The following CATSPERT variants were observed in gnomAD, a reference collection of about 807,000 sequenced individuals.
The protein encoded by CATSPERT is cation channel sperm-associated targeting subunit tau.
At chr2:201,558,250 T>C in the CATSPERT span, 1 of 152,258 alleles carries the variant, frequency 6.6e-6, no homozygotes, top group Non-Finnish European at 1.5e-5. Flanking sequence ...GGATTTTTTA[T>C]CTACAACTGT....
the CATSPERT span, chr2:201,571,887 A>G: frequency 2.0e-6 from 3 of 1,515,850 alleles, no homozygotes; most frequent in Non-Finnish European, 2.7e-6. Context: ...ATGGATTAAA[A>G]TTGTTTTAAG....
the CATSPERT span, among the ~76,000 whole-genome samples, chr2:201,526,601 T>C: frequency 2.0e-5 from 3 of 152,216 alleles, no homozygotes; most frequent in African/African-American, 7.2e-5. Context: ...ATTCCTGGGA[T>C]GCAAGGTTGG....
the CATSPERT span, chr2:201,494,191 G>A: frequency 6.5e-7 from 1 of 1,533,870 alleles, no homozygotes; most frequent in Admixed American, 2.0e-5. Flanking sequence ...ACTACTTGAT[G>A]ATTTATCATG....
the CATSPERT span, among the ~76,000 whole-genome samples, chr2:201,548,298 T>C: frequency 6.6e-6 from 1 of 152,172 alleles, no homozygotes; most frequent in Non-Finnish European, 1.5e-5. Flanking sequence ...CTTCACTGTT[T>C]GCAGATGGCT....
the CATSPERT span, among the ~76,000 whole-genome samples, chr2:201,510,249 G>A: frequency 1.3e-5 from 2 of 148,222 alleles, no homozygotes; most frequent in Non-Finnish European, 2.9e-5. Flanking sequence ...TTCAAGACCA[G>A]CCTGGCCAAC....
At chr2:201,542,031 T>C in the CATSPERT span, among the ~76,000 whole-genome samples, 2 of 152,170 alleles carry the variant, frequency 1.3e-5, no homozygotes, top group Admixed American at 6.5e-5. Flanking sequence ...AGTGCTGATA[T>C]TACATGCATG....
At chr2:201,580,696 CA>C in the CATSPERT span, among the ~76,000 whole-genome samples, 1 of 152,104 alleles carries the variant, frequency 6.6e-6, no homozygotes. Flanking sequence ...CTGTATGTAA[CA>C]AAAAACATTC....
chr2:201,616,144 A>T, the CATSPERT span, among the ~76,000 whole-genome samples: 1 of 152,266 alleles, frequency 6.6e-6, no homozygotes, highest in Non-Finnish European at 1.5e-5. Flanking sequence ...AGGAGGTGGT[A>T]CCATTCCTTC....
the CATSPERT span, among the ~76,000 whole-genome samples, chr2:201,589,919 AAAC>A: frequency 5.9e-5 from 9 of 152,196 alleles, no homozygotes; most frequent in East Asian, 1.5e-3. Flanking sequence ...AGAAAAAAAC[AAAC>A]AACCCCATTA....
At chr2:201,585,295 G>C in the CATSPERT span, among the ~76,000 whole-genome samples, 23 of 151,532 alleles carry the variant, frequency 1.5e-4, no homozygotes, top group African/African-American at 5.6e-4. Context: ...ATGACGGTAT[G>C]ATGGGTGCAG....
the CATSPERT span, chr2:201,496,045 T>C: frequency 1.0e-6 from 1 of 966,964 alleles, no homozygotes; most frequent in Non-Finnish European, 1.5e-6. Context: ...CTTGCAATAG[T>C]TATTAGAGAT....
chr2:201,545,642 AAAAAAAAAAAAG>A, the CATSPERT span: 27 of 880,022 alleles, frequency 3.1e-5, no homozygotes, highest in African/African-American at 3.8e-4. Context: ...AAAAAAAAAA[AAAAAAAAAAAAG>A]AAAAAAAAAT....
chr2:201,589,944 A>G, the CATSPERT span, among the ~76,000 whole-genome samples: 1 of 152,044 alleles, frequency 6.6e-6, no homozygotes, highest in African/African-American at 2.4e-5. Context: ...AAAGCAGACA[A>G]AGGACATAAA....
the CATSPERT span, among the ~76,000 whole-genome samples, chr2:201,498,199 A>C: frequency 6.6e-6 from 1 of 152,160 alleles, no homozygotes; most frequent in Non-Finnish European, 1.5e-5. Flanking sequence ...GCTATCTGCA[A>C]GCTGGAGAAA....
chr2:201,584,744 C>A, the CATSPERT span, among the ~76,000 whole-genome samples: 34 of 152,022 alleles, frequency 2.2e-4, no homozygotes, highest in African/African-American at 7.5e-4. Flanking sequence ...GATCGTGCCA[C>A]TGCACTCCAG....
chr2:201,534,849 G>T, the CATSPERT span: 1 of 769,332 alleles, frequency 1.3e-6, no homozygotes, highest in Non-Finnish European at 1.6e-6. Flanking sequence ...ATTAATATTT[G>T]AGGATATTCT....
chr2:201,594,356 T>C, the CATSPERT span, among the ~76,000 whole-genome samples: 1 of 152,252 alleles, frequency 6.6e-6, no homozygotes, highest in South Asian at 2.1e-4. Context: ...CCACTGTTAG[T>C]CTGATGGGCT....
chr2:201,514,319 T>C, the CATSPERT span, among the ~76,000 whole-genome samples: 7 of 152,042 alleles, frequency 4.6e-5, no homozygotes, highest in Admixed American at 3.3e-4. Context: ...CAACAATATA[T>C]GAAAAGGATA....
At chr2:201,575,022 A>G in the CATSPERT span, among the ~76,000 whole-genome samples, 2 of 143,812 alleles carry the variant, frequency 1.4e-5, no homozygotes, top group East Asian at 4.1e-4. Flanking sequence ...AATTTTCTTT[A>G]TCACCATTTA....
Sources: allele counts gnomAD v4.1 joint callset (sites outside exome capture counted in the v4.1 genomes callset), GRCh38; gene constraint gnomAD v4.1.1; transcripts MANE v1.5; gene names NCBI Gene and HGNC (gene_info 2026-07-23, HGNC 2026-07-21).